Variants in PLEKHG1 observed in about 807,000 individuals in gnomAD.
PLEKHG1 encodes the protein pleckstrin homology domain-containing family G member 1.
In PLEKHG1, 44 loss-of-function variants were observed where a neutral mutation model predicts 100.8. The observed-to-expected ratio is 0.44, with a 90% CI of 0.34 to 0.56. PLEKHG1 has a LOEUF of 0.56. PLEKHG1 is among the 20% of genes least tolerant of loss of function. PLEKHG1 has a pLI of 0.01. For synonymous variants in PLEKHG1, 640 were observed against 662.5 expected (o/e 0.97, Z 0.52); for missense variants, 1,545 against 1,720.9 (o/e 0.90, Z 1.81).
intron 2 of PLEKHG1, among the ~76,000 whole-genome samples, chr6:150,750,046 T>A (rs1368924803): frequency 7.0e-6 from 1 of 143,110 alleles, no homozygotes; most frequent in African/African-American, 2.9e-5. Flanking sequence ...CACTCCAGCC[T>A]GGGTGACAGA....
chr6:150,657,956 A>C (rs1779033938), intron 3 of PLEKHG1, among the ~76,000 whole-genome samples: 2 of 152,236 alleles, frequency 1.3e-5, no homozygotes, highest in African/African-American at 4.8e-5. Flanking sequence ...TAATATTTGA[A>C]AAACTTGTAG....
intron 1 of PLEKHG1, chr6:150,625,809 A>G (rs35178930): frequency 0.034 from 5,131 of 152,256 alleles, 125 homozygotes; most frequent in East Asian, 0.074. Context: ...TCATCTCTTT[A>G]AAGACCCTAG....
chr6:150,840,676 A>G (rs760506245), exon 16 of PLEKHG1: 5 of 1,614,180 alleles, frequency 3.1e-6, no homozygotes, highest in Non-Finnish European at 4.2e-6. Context: ...GACTTTTCTG[A>G]TAATGTCTGC....
At chr6:150,722,824 G>A (rs1052122865) in intron 1 of PLEKHG1, among the ~76,000 whole-genome samples, 1 of 152,126 alleles carries the variant, frequency 6.6e-6, no homozygotes, top group African/African-American at 2.4e-5. Context: ...TTGGAACTGA[G>A]TGCGTTCCAT....
intron 10 of PLEKHG1, among the ~76,000 whole-genome samples, chr6:150,813,523 C>T (rs1275507480): frequency 2.4e-5 from 2 of 83,166 alleles, no homozygotes; most frequent in African/African-American, 4.7e-5. Flanking sequence ...GTTCCCAGGG[C>T]GGGGGTGGGG....
intron 3 of PLEKHG1, among the ~76,000 whole-genome samples, chr6:150,713,584 C>T (rs1293409812): frequency 6.6e-6 from 1 of 152,112 alleles, no homozygotes; most frequent in East Asian, 1.9e-4. Flanking sequence ...ATTGTGATGA[C>T]CCCAAGGATG....
chr6:150,669,337 T>C (rs1181781336), intron 3 of PLEKHG1, among the ~76,000 whole-genome samples: 2 of 152,120 alleles, frequency 1.3e-5, no homozygotes, highest in African/African-American at 4.8e-5. Context: ...GCTTCTGAGA[T>C]GGTTTTTGAT....
At chr6:150,733,509 G>GT in intron 1 of PLEKHG1, 75 bp from the exon 3 acceptor site, 3 of 1,322,662 alleles carry the variant, frequency 2.3e-6, no homozygotes, top group Non-Finnish European at 3.0e-6. Context: ...TTTGAGCTAG[G>GT]TTTTTACTTC....
exon 15 of PLEKHG1, chr6:150,832,146 C>G (rs1204439290): frequency 6.2e-7 from 1 of 1,612,698 alleles, no homozygotes; most frequent in African/African-American, 1.3e-5. Flanking sequence ...CATCAGAAAT[C>G]CATGCACAAA....
intron 3 of PLEKHG1, among the ~76,000 whole-genome samples, chr6:150,697,825 C>T (rs1780607512): frequency 6.6e-6 from 1 of 152,228 alleles, no homozygotes; most frequent in Admixed American, 6.5e-5. Flanking sequence ...AATGTCCCCA[C>T]ATCACTACCT....
intron 1 of PLEKHG1, among the ~76,000 whole-genome samples, chr6:150,634,873 C>T (rs962085410): frequency 2.0e-5 from 3 of 152,250 alleles, no homozygotes; most frequent in South Asian, 2.1e-4. Context: ...GGTTTGTAGC[C>T]GACCTCAGAG....
intron 10 of PLEKHG1, among the ~76,000 whole-genome samples, chr6:150,810,531 AAAGAAAGG>A (rs1297038883): frequency 1.5e-4 from 16 of 103,368 alleles, no homozygotes; most frequent in African/African-American, 3.0e-4. Context: ...AGAAAGAAAG[AAAGAAAGG>A]AAGAAAGGAA....
chr6:150,804,822 T>C, intron 7 of PLEKHG1, 81 bp downstream of exon 8: 1 of 1,350,856 alleles, frequency 7.4e-7, no homozygotes, highest in Non-Finnish European at 1.0e-6. Flanking sequence ...TTAAGGCTGC[T>C]CAAGTACTGC....
chr6:150,718,064 G>A (rs973624368), upstream of PLEKHG1, among the ~76,000 whole-genome samples: 6 of 152,158 alleles, frequency 3.9e-5, no homozygotes, highest in Admixed American at 3.3e-4. Flanking sequence ...GTGACAGAGC[G>A]AGATTCTGTC....
intron 1 of PLEKHG1, among the ~76,000 whole-genome samples, chr6:150,730,773 C>T (rs1184344359): frequency 2.0e-5 from 3 of 152,018 alleles, no homozygotes; most frequent in Non-Finnish European, 4.4e-5. Flanking sequence ...CGTGGTGGCA[C>T]ATGCCTATAA....
At chr6:150,840,255 G>C (rs763998761) in exon 16 of PLEKHG1, 1 of 1,614,180 alleles carries the variant, frequency 6.2e-7, no homozygotes, top group Non-Finnish European at 8.5e-7. Flanking sequence ...AGGGATCAGC[G>C]CTAAATCTCA....
upstream of PLEKHG1, among the ~76,000 whole-genome samples, chr6:150,717,794 G>T (rs1781498502): frequency 6.6e-6 from 1 of 152,136 alleles, no homozygotes; most frequent in African/African-American, 2.4e-5. Flanking sequence ...AGACATTTTG[G>T]GCTAGGCACA....
chr6:150,696,382 T>C (rs1388409962), intron 3 of PLEKHG1, among the ~76,000 whole-genome samples: 1 of 152,208 alleles, frequency 6.6e-6, no homozygotes, highest in Non-Finnish European at 1.5e-5. Flanking sequence ...CCTGCCAGCT[T>C]CAGAAGAAAA....
chr6:150,623,735 C>T (rs565965192), intron 1 of PLEKHG1, among the ~76,000 whole-genome samples: 2 of 152,334 alleles, frequency 1.3e-5, no homozygotes, highest in South Asian at 4.1e-4. Flanking sequence ...TCTGTCTTCA[C>T]CCAGCCAGAC....
Sources: gnomAD v4.1 joint callset for allele counts (sites outside exome capture counted in the v4.1 genomes callset) on GRCh38, gnomAD v4.1.1 for gene constraint, MANE v1.5 for transcripts, NCBI Gene and HGNC (gene_info 2026-07-23, HGNC 2026-07-21) for gene names.